Variants in ZC2HC1B observed in about 807,000 individuals in gnomAD.
ZC2HC1B encodes the protein zinc finger C2HC domain-containing protein 1B.
Under a neutral mutation model 31.0 loss-of-function variants are expected in ZC2HC1B, and 36 were observed. That is an observed-to-expected ratio of 1.16 (90% CI 0.89 to 1.54). The LOEUF (loss-of-function observed/expected upper bound fraction) is 1.54. Ranked by LOEUF, ZC2HC1B falls within the 40% of genes most tolerant of loss-of-function variation. ZC2HC1B has a pLI of 0.00. For missense variants in ZC2HC1B, 260 were observed against 268.6 expected, an observed-to-expected ratio of 0.97 and a Z score of 0.22; for synonymous variants, 73 against 88.0, an observed-to-expected ratio of 0.83 and a Z score of 0.95.
chr6:143,906,644 A>G (rs1249908305), intron 6 of ZC2HC1B, among the ~76,000 whole-genome samples: 2 of 151,810 alleles, frequency 1.3e-5, no homozygotes, highest in African/African-American at 2.4e-5. Context: ...GAGTTTTGCC[A>G]TGTTAGCTAG....
rs71024878 is a variant in ZC2HC1B at position 143,919,217 on chromosome 6, C to CTGTGTGTGTGTGTGTGTG, written c.598+16097_598+16114dup. ...TCCCTTCTGCAGGGTTTGCTATTCT[C>CTGTGTGTGTGTGTGTGTG]TGTGTGTGTGTGTGTGTGTGTGTGT... On this transcript the variant is annotated intron_variant, in intron 6 of 7. Transcript: ENST00000237275. Among the ~76,000 whole-genome samples the CTGTGTGTGTGTGTGTGTG allele has an allele frequency of 2.4e-5, 3 of 123,698 alleles. No homozygotes were observed. In the East Asian group the frequency reaches 9.7e-4, roughly 40 times the overall value. The allele number at this position is 123,698 out of a possible 152,430, so 81.2% of individuals were successfully genotyped here. A position where few individuals can be genotyped will look rare whatever the true frequency, so the allele number is the denominator to read the frequency against.
At chr6:143,898,284 C>G (rs976339469) in intron 4 of ZC2HC1B, among the ~76,000 whole-genome samples, 1 of 152,056 alleles carries the variant, frequency 6.6e-6, no homozygotes, top group Admixed American at 6.6e-5. Context: ...TGGGCTCAAG[C>G]TATCCTCTCA....
At chr6:143,893,531 C>G (rs1283712693) in intron 4 of ZC2HC1B, among the ~76,000 whole-genome samples, 1 of 151,960 alleles carries the variant, frequency 6.6e-6, no homozygotes, top group Non-Finnish European at 1.5e-5. Flanking sequence ...TGTGCTAATG[C>G]GCTCCAGCCT....
Position 143,917,635 on chromosome 6 carries a change from G to T in ZC2HC1B, c.598+14483G>T, listed in dbSNP as rs541380830. Among the ~76,000 whole-genome samples, 33 of 152,182 alleles carry T rather than the reference G, an allele frequency of 2.2e-4. No homozygotes were observed. The highest frequency in any genetic ancestry group is 7.5e-4 in the African/African-American group (31 of 41,510). On this transcript the variant is annotated intron_variant, in intron 6 of 7. Coordinates refer to ENST00000237275, the MANE Select transcript of ZC2HC1B (RefSeq NM_001013623.3). The surrounding 1 kb of genome is among the most constrained non-coding windows in gnomAD (Gnocchi z 4.1). ...AATCTAAAAATCTGAAATCTAAAAT[G>T]CTCCAACATCTGAAACTTTTTGAGC...
Position 143,911,181 on chromosome 6 carries a change from A to G in ZC2HC1B, c.598+8029A>G, listed in dbSNP as rs1316017952. 1.3e-5 allele frequency among the ~76,000 whole-genome samples: 2 copies of G among 152,188 alleles called. No homozygotes were observed. The highest frequency in any genetic ancestry group is 4.8e-5 in the African/African-American group (2 of 41,448). On this transcript the variant is annotated intron_variant, in intron 6 of 7. Coordinates refer to ENST00000237275, the MANE Select transcript of ZC2HC1B (RefSeq NM_001013623.3). The surrounding 1 kb of genome is among the most constrained non-coding windows in gnomAD (Gnocchi z 4.5). ...TGAGCCTATGTATGTCTTTGCAAGT[A>G]AGATGGGTCTCTTGAAGACAGCATA...
Position 143,886,113 on chromosome 6 carries a change from A to G in ZC2HC1B, c.172A>G (p.Thr58Ala). ...FSSLKQRLQG[T>A]DIPTVKKTPQ... is the part of the protein sequence containing the mutation. The stretch of plus-strand genomic sequence containing the variant: ...TTCTTTGAAGCAAAGATTACAGGGC[A>G]CTGACATTCCTACTGTGAAGAAGAC... The change falls in exon 3 of 8, where the codon ACT becomes GCT. Residue 58 changes from threonine (T) to alanine (A), a missense_variant. Transcript: ENST00000237275. The surrounding 1 kb of genome is among the most constrained non-coding windows in gnomAD (Gnocchi z 4.2). 2 of 1,549,436 alleles carry G rather than the reference A, an allele frequency of 1.3e-6. No individual in the cohort carries two copies. Among genetic ancestry groups the G allele is most frequent in the Non-Finnish European group, 1.7e-6 (2 of 1,146,284 alleles).
chr6:143,916,580 G>T (rs1434576057), intron 6 of ZC2HC1B, among the ~76,000 whole-genome samples: 1 of 152,220 alleles, frequency 6.6e-6, no homozygotes, highest in Non-Finnish European at 1.5e-5. Context: ...GCCAGGAGGG[G>T]CTGTATCCTA....
At chr6:143,878,916 T>G (rs1000910645) in intron 1 of ZC2HC1B, among the ~76,000 whole-genome samples, 2 of 152,210 alleles carry the variant, frequency 1.3e-5, no homozygotes, top group African/African-American at 4.8e-5. Context: ...TTATATTGAC[T>G]AATGCACAGA....
intron 6 of ZC2HC1B, among the ~76,000 whole-genome samples, chr6:143,920,501 G>C (rs1296408159): frequency 6.6e-6 from 1 of 152,174 alleles, no homozygotes; most frequent in East Asian, 1.9e-4. Context: ...TAACACATAA[G>C]AAAATAGACT....
At position 143,924,083 on chromosome 6, in the gene ZC2HC1B, G is replaced by A. The variant is rs1370836850; in HGVS notation, c.599-13566G>A. On this transcript the variant is annotated intron_variant, in intron 6 of 7. Coordinates refer to ENST00000237275, the MANE Select transcript of ZC2HC1B (RefSeq NM_001013623.3). The surrounding 1 kb of genome is among the most constrained non-coding windows in gnomAD (Gnocchi z 5.2). Reference sequence around the variant, plus strand: ...GTAATTCTTCTGAGTCATGAGCATGGGATATCTTTCCATTTGTTTGTGTCC... The same window carrying A: ...GTAATTCTTCTGAGTCATGAGCATGAGATATCTTTCCATTTGTTTGTGTCC... 1.3e-5 allele frequency among the ~76,000 whole-genome samples: 2 copies of A among 151,832 alleles called. No individual in the cohort carries two copies. The highest frequency in any genetic ancestry group is 2.9e-5 in the Non-Finnish European group (2 of 67,924).
rs146079645 is a variant in ZC2HC1B, at chr6:143,898,445, G to A, written c.350-107G>A. The A allele has an allele frequency of 3.2e-3, 4,332 of 1,349,996 alleles. 10 individuals carry two copies. Among genetic ancestry groups the A allele is most frequent in the Non-Finnish European group, 3.5e-3 (3,508 of 996,896 alleles). 83.6% of individuals were successfully genotyped at this position (1,349,996 alleles called of 1,614,324 possible). ...CAGAGTGCTGGGATTACTGGCATGAGCCATCATATCCTTATTTCACTTCAT... is the reference window on the plus strand; with the variant it reads ...CAGAGTGCTGGGATTACTGGCATGAACCATCATATCCTTATTTCACTTCAT... On this transcript the variant is annotated intron_variant, in intron 4 of 7. Transcript: ENST00000237275.
chr6:143,931,859 TTCTTC>T (rs1386687907), intron 6 of ZC2HC1B, among the ~76,000 whole-genome samples: 88 of 78,142 alleles, frequency 1.1e-3, no homozygotes, highest in African/African-American at 4.7e-3. Context: ...CTTCTTCTTC[TTCTTC>T]TTTTTTTTTT....
In ZC2HC1B at chr6:143,923,352, G is replaced by T. The variant is rs751154162; in HGVS notation, c.599-14297G>T. Among the ~76,000 whole-genome samples, 1 of 152,066 alleles carries T rather than the reference G, an allele frequency of 6.6e-6. No homozygotes were observed. The highest frequency in any genetic ancestry group is 1.5e-5 in the Non-Finnish European group (1 of 67,978). ...AGTTCCTTGCTTATTCTGAATATTAGTTCCTTGGGAGATGAATGGTTTGCA... is the reference window on the plus strand; with the variant it reads ...AGTTCCTTGCTTATTCTGAATATTATTTCCTTGGGAGATGAATGGTTTGCA... On this transcript the variant is annotated intron_variant, in intron 6 of 7. Coordinates refer to ENST00000237275, the MANE Select transcript of ZC2HC1B (RefSeq NM_001013623.3). This position sits in a 1 kb window ranked among gnomAD's most constrained non-coding sequence, Gnocchi z 4.8.
At chr6:143,882,129 A>G (rs1777475054) in intron 1 of ZC2HC1B, among the ~76,000 whole-genome samples, 1 of 151,826 alleles carries the variant, frequency 6.6e-6, no homozygotes, top group African/African-American at 2.4e-5. Context: ...AAATAGAAAT[A>G]GTACTAACCC....
intron 1 of ZC2HC1B, among the ~76,000 whole-genome samples, chr6:143,880,017 G>C (rs9496793): frequency 6.6e-6 from 1 of 151,548 alleles, no homozygotes; most frequent in East Asian, 1.9e-4. Flanking sequence ...GTAGAGATGA[G>C]AGTCTCACTG....
rs1030427251 is a variant in ZC2HC1B, at chr6:143,905,049, G to A, written c.598+1897G>A. On this transcript the variant is annotated intron_variant, in intron 6 of 7. Coordinates refer to ENST00000237275, the MANE Select transcript of ZC2HC1B (RefSeq NM_001013623.3). This position sits in a 1 kb window ranked among gnomAD's most constrained non-coding sequence, Gnocchi z 4.2. ...AGCCAAGATTGTTTTGGCTATTTGG[G>A]ATCCCTTGAGATTCCATGTGAATTT... 6.6e-6 allele frequency among the ~76,000 whole-genome samples: 1 copy of A among 152,160 alleles called. No homozygotes were observed. Among genetic ancestry groups the A allele is most frequent in the Non-Finnish European group, 1.5e-5 (1 of 68,032 alleles).
chr6:143,925,257 G>C (rs183227005), intron 6 of ZC2HC1B, among the ~76,000 whole-genome samples: 38 of 137,664 alleles, frequency 2.8e-4, no homozygotes, highest in Middle Eastern at 4.1e-3. Context: ...CTCACTGCAA[G>C]CTCCGCCTCC....
At chr6:143,897,494 GA>G (rs886721493) in intron 4 of ZC2HC1B, among the ~76,000 whole-genome samples, 41 of 150,994 alleles carry the variant, frequency 2.7e-4, no homozygotes, top group African/African-American at 7.3e-4. Flanking sequence ...AATGAAAGAA[GA>G]AAAAAAAGAT....
intron 6 of ZC2HC1B, among the ~76,000 whole-genome samples, chr6:143,920,951 TC>T (rs1777981072): frequency 6.7e-6 from 1 of 149,652 alleles, no homozygotes; most frequent in Non-Finnish European, 1.5e-5. Context: ...CATAATACCA[TC>T]TGAGCTCACC....
Sources: gnomAD v4.1 joint callset for allele counts (sites outside exome capture counted in the v4.1 genomes callset) on GRCh38, gnomAD v4.1.1 for gene constraint, Gnocchi (gnomAD v3.1) non-coding constraint, MANE v1.5 for transcripts, NCBI Gene and HGNC (gene_info 2026-07-23, HGNC 2026-07-21) for gene names.